CCDC73: variants seen among roughly 807,000 people sequenced by gnomAD.
The protein encoded by CCDC73 is coiled-coil domain containing 73.
CCDC73 carries 95 observed loss-of-function variants against 116.5 expected under a neutral mutation model. That is an observed-to-expected ratio of 0.82 (90% CI 0.69 to 0.97). The LOEUF (loss-of-function observed/expected upper bound fraction) is 0.97. Ranked by LOEUF, CCDC73 falls within the 50% of genes least tolerant of loss-of-function variation. CCDC73 has a pLI of 0.00. For missense variants in CCDC73, 1,066 were observed against 1,206.8 expected (o/e 0.88, Z 1.73); for synonymous variants, 398 against 401.3 (o/e 0.99, Z 0.10).
chr11:32,749,743 G>T (rs1292382296), intron 2 of CCDC73, among the ~76,000 whole-genome samples: 1 of 152,020 alleles, frequency 6.6e-6, no homozygotes, highest in African/African-American at 2.4e-5. Flanking sequence ...TGCACTAGGG[G>T]GCACCACAAG....
intron 6 of CCDC73, among the ~76,000 whole-genome samples, chr11:32,691,921 G>A (rs765213344): frequency 8.6e-5 from 13 of 151,898 alleles, no homozygotes; most frequent in Admixed American, 3.3e-4. Flanking sequence ...GGTGGCAGGT[G>A]CCTGTAGTCC....
At chr11:32,735,428 A>T (rs750588673) in intron 2 of CCDC73, among the ~76,000 whole-genome samples, 4 of 152,242 alleles carry the variant, frequency 2.6e-5, no homozygotes, top group Non-Finnish European at 4.4e-5. Context: ...TGCTTCAAAG[A>T]GAATAAAATA....
chr11:32,746,976 G>A (rs1277617887), intron 2 of CCDC73, among the ~76,000 whole-genome samples: 1 of 152,156 alleles, frequency 6.6e-6, no homozygotes, highest in Non-Finnish European at 1.5e-5. Context: ...TGCTGGCGAG[G>A]AGTTGTGTTC....
At chr11:32,694,669 TAAG>T (rs1418541701) in intron 6 of CCDC73, among the ~76,000 whole-genome samples, 1 of 152,114 alleles carries the variant, frequency 6.6e-6, no homozygotes, top group Non-Finnish European at 1.5e-5. Flanking sequence ...CAAAACAATT[TAAG>T]AAGGAATGTT....
At chr11:32,727,588 T>G (rs926569288) in intron 2 of CCDC73, among the ~76,000 whole-genome samples, 13 of 152,228 alleles carry the variant, frequency 8.5e-5, no homozygotes, top group African/African-American at 3.1e-4. Context: ...TTTTCTTTTT[T>G]TTGAGACGTT....
intron 2 of CCDC73, among the ~76,000 whole-genome samples, chr11:32,721,012 A>C (rs1188068720): frequency 1.3e-5 from 2 of 152,052 alleles, no homozygotes; most frequent in Non-Finnish European, 1.5e-5. Flanking sequence ...CTTTGTAATG[A>C]TACTTATTTT....
In CCDC73 at chr11:32,683,621, T is replaced by C. The variant is rs375903949; in HGVS notation, c.391-47A>G. 9 of 1,128,132 alleles carry C rather than the reference T, an allele frequency of 8.0e-6. No homozygotes were observed. The African/African-American group carries it at 1.4e-4, about 17-fold the overall frequency. 69.9% of individuals were successfully genotyped at this position (1,128,132 alleles called of 1,614,324 possible). A position where few individuals can be genotyped will look rare whatever the true frequency, so the allele number is the denominator to read the frequency against. The stretch of plus-strand genomic sequence containing the variant: ...ATCTCATTAAAATACTTTAATTATC[T>C]ACACAAATTCCTCTGATATCAAAAG... On this transcript the variant is annotated intron_variant, in intron 6 of 17. Coordinates refer to ENST00000335185, the MANE Select transcript of CCDC73 (RefSeq NM_001008391.4).
chr11:32,820,128 G>C, the CCDC73 span, among the ~76,000 whole-genome samples: 2 of 152,146 alleles, frequency 1.3e-5, no homozygotes, highest in East Asian at 3.8e-4. Flanking sequence ...AAGTCAACTT[G>C]TTATTTTTTA....
At position 32,751,812 on chromosome 11, in the gene CCDC73, G is replaced by C. The variant is rs556937209; in HGVS notation, c.135+8297C>G. Among the ~76,000 whole-genome samples, 18 of 152,276 alleles carry C rather than the reference G, an allele frequency of 1.2e-4. No homozygotes were observed. In the East Asian group the frequency reaches 3.3e-3, roughly 28 times the overall value. On this transcript the variant is annotated intron_variant, in intron 2 of 17. Coordinates refer to ENST00000335185, the MANE Select transcript of CCDC73 (RefSeq NM_001008391.4). ...TGTAGTTGTCAAATTTGGTGTTCCT[G>C]CAGGAAGGACAATTGGTAGAATCTT... is the stretch of plus-strand genomic sequence containing the variant.
At chr11:32,668,126 T>C (rs747863185) in intron 9 of CCDC73, among the ~76,000 whole-genome samples, 7 of 152,262 alleles carry the variant, frequency 4.6e-5, no homozygotes, top group Admixed American at 1.3e-4. Context: ...AAGGCACTGT[T>C]ACCTATTACT....
intron 1 of CCDC73, among the ~76,000 whole-genome samples, chr11:32,767,919 C>T (rs1850457459): frequency 1.3e-5 from 2 of 152,198 alleles, no homozygotes; most frequent in African/African-American, 2.4e-5. Context: ...TGTGGCGATT[C>T]CTCAAGGATC....
At chr11:32,603,506 A>G (rs1475808286) in intron 17 of CCDC73, 1 of 152,374 alleles carries the variant, frequency 6.6e-6, no homozygotes, top group Non-Finnish European at 1.5e-5. Context: ...GCTTGTTGAC[A>G]TTTTGGTATT....
chr11:32,774,733 GATTT>G (rs1219100036), intron 1 of CCDC73, among the ~76,000 whole-genome samples: 3 of 152,134 alleles, frequency 2.0e-5, no homozygotes, highest in Non-Finnish European at 4.4e-5. Context: ...GTAAAACAAT[GATTT>G]ATTATTTCTT....
intron 3 of CCDC73, among the ~76,000 whole-genome samples, chr11:32,704,673 G>A (rs940631142): frequency 2.8e-4 from 43 of 152,306 alleles, no homozygotes; most frequent in African/African-American, 9.9e-4. Flanking sequence ...GGGGACCAGG[G>A]CTGTCAGTTT....
chr11:32,813,021 T>C, the CCDC73 span, among the ~76,000 whole-genome samples: 1 of 152,214 alleles, frequency 6.6e-6, no homozygotes, highest in South Asian at 2.1e-4. Flanking sequence ...TTATTGGCCA[T>C]TCTGAATTTT....
intron 2 of CCDC73, among the ~76,000 whole-genome samples, chr11:32,739,867 C>T (rs1850168231): frequency 6.6e-6 from 1 of 150,860 alleles, no homozygotes; most frequent in African/African-American, 2.5e-5. Flanking sequence ...CTTTTATATC[C>T]AGTTTTTGAG....
At chr11:32,725,119 C>CT (rs796894622) in intron 2 of CCDC73, among the ~76,000 whole-genome samples, 56 of 145,044 alleles carry the variant, frequency 3.9e-4, no homozygotes, top group Middle Eastern at 3.5e-3. Flanking sequence ...AAGAAGATGT[C>CT]TTTTTTTTTT....
Position 32,683,581 on chromosome 11 carries a change from A to C in CCDC73, c.391-7T>G. 1 of 1,458,326 alleles carries C rather than the reference A, an allele frequency of 6.9e-7. No homozygotes were observed. The allele number at this position is 1,458,326 out of a possible 1,614,324, so 90.3% of individuals were successfully genotyped here. On this transcript the variant is annotated splice_region_variant and splice_polypyrimidine_tract_variant and intron_variant, in intron 6 of 17. Coordinates refer to ENST00000335185, the MANE Select transcript of CCDC73 (RefSeq NM_001008391.4). ...GTAAAGAGTATTTAGAAACCTTGAA[A>C]AATAAGGGGGAAAAATCTCATTAAA...
At chr11:32,639,061 T>C (rs1415566992) in intron 13 of CCDC73, among the ~76,000 whole-genome samples, 1 of 151,298 alleles carries the variant, frequency 6.6e-6, no homozygotes, top group Non-Finnish European at 1.5e-5. Flanking sequence ...GGCAGGAGAA[T>C]TGCTTGAACC....
Sources: gnomAD v4.1 joint callset for allele counts (sites outside exome capture counted in the v4.1 genomes callset) on GRCh38, gnomAD v4.1.1 for gene constraint, MANE v1.5 for transcripts, NCBI Gene and HGNC (gene_info 2026-07-23, HGNC 2026-07-21) for gene names.